The following BDH1 variants were observed in gnomAD, a reference collection of about 807,000 sequenced individuals.
The protein encoded by BDH1 is D-beta-hydroxybutyrate dehydrogenase, mitochondrial.
Under a neutral mutation model 33.1 loss-of-function variants are expected in BDH1, and 30 were observed. The ratio of observed to expected loss-of-function variants is 0.91; its 90% CI spans 0.68 to 1.23. The LOEUF (loss-of-function observed/expected upper bound fraction) is 1.23. Among genes scored for constraint, BDH1 ranks in the 50% most tolerant of loss-of-function variants. The pLI, the probability that BDH1 is intolerant of heterozygous loss-of-function variation, is 0.00. For synonymous variants in BDH1, 190 were observed against 183.6 expected (o/e 1.03, Z -0.28); for missense variants, 443 against 464.4 (o/e 0.95, Z 0.42).
At position 197,512,313 on chromosome 3, in the gene BDH1, C is replaced by T. The variant is rs749172620; in HGVS notation, c.614G>A (p.Arg205His). The change falls in exon 8 of 8, where the codon CGC becomes CAC. Residue 205 changes from arginine (R) to histidine (H), a missense_variant. By Grantham distance (29) the Arg-to-His change is conservative (BLOSUM62 0). Coordinates refer to ENST00000392379, the MANE Select transcript of BDH1 (RefSeq NM_203314.3). ...GAACTTGGTGATGCAGTACGGGGAG[C>T]GGGCCGGGTTGGCCATGCGGCCCAG... ...SMLGRMANPA[R>H]SPYCITKFGV... The T allele has an allele frequency of 1.1e-5, 18 of 1,611,290 alleles. No homozygotes were observed. The highest frequency in any genetic ancestry group is 5.5e-5 in the South Asian group (5 of 91,074).
chr3:197,572,874 TAAAAAAC>T (rs965823033), intron 1 of BDH1, among the ~76,000 whole-genome samples: 1 of 152,190 alleles, frequency 6.6e-6, no homozygotes, highest in African/African-American at 2.4e-5. Flanking sequence ...CAAGCTGTTT[TAAAAAAC>T]AAGATACAAA....
chr3:197,568,096 G>T (rs542723367), intron 1 of BDH1, among the ~76,000 whole-genome samples: 2 of 152,272 alleles, frequency 1.3e-5, no homozygotes, highest in African/African-American at 4.8e-5. Context: ...AGTATTAAGT[G>T]CTCAGTGTTA....
In BDH1 at chr3:197,516,993, G is replaced by A. The variant is rs1333710088; in HGVS notation, c.410-2577C>T. Among the ~76,000 whole-genome samples the A allele has an allele frequency of 2.6e-5, 4 of 152,104 alleles. No individual in the cohort carries two copies. Among genetic ancestry groups the A allele is most frequent in the Non-Finnish European group, 4.4e-5 (3 of 68,016 alleles). ...CCCAGCTAACAGGCAGGGAGGGTGGGATTTGGACCCAGATCTCTCTGAGGA... is the reference window on the plus strand; with the variant it reads ...CCCAGCTAACAGGCAGGGAGGGTGGAATTTGGACCCAGATCTCTCTGAGGA... On this transcript the variant is annotated intron_variant, in intron 6 of 7. Coordinates refer to ENST00000392379, the MANE Select transcript of BDH1 (RefSeq NM_203314.3). The surrounding 1 kb of genome is among the most constrained non-coding windows in gnomAD (Gnocchi z 4.2).
chr3:197,531,387 A>C (rs886884643), intron 5 of BDH1, among the ~76,000 whole-genome samples: 2 of 148,714 alleles, frequency 1.3e-5, no homozygotes, highest in Non-Finnish European at 3.0e-5. Context: ...ACAAAGTAAG[A>C]CTCTGTCTCA....
intron 1 of BDH1, among the ~76,000 whole-genome samples, chr3:197,567,692 G>C (rs1369197410): frequency 6.6e-6 from 1 of 152,182 alleles, no homozygotes; most frequent in Non-Finnish European, 1.5e-5. Context: ...AATTAACTGA[G>C]AGACCTGTCT....
rs543203028 is a variant in BDH1, at chr3:197,516,363, C to T, written c.410-1947G>A. ...CTAAAAATAAAACAATGACATTTGACGCTACTATCCAAAAAAGTTTAATGA... is the reference window on the plus strand; with the variant it reads ...CTAAAAATAAAACAATGACATTTGATGCTACTATCCAAAAAAGTTTAATGA... On this transcript the variant is annotated intron_variant, in intron 6 of 7. Transcript: ENST00000392379. This position sits in a 1 kb window ranked among gnomAD's most constrained non-coding sequence, Gnocchi z 4.2. Among the ~76,000 whole-genome samples the T allele has an allele frequency of 1.3e-5, 2 of 152,236 alleles. No individual in the cohort carries two copies. The highest frequency in any genetic ancestry group is 2.4e-5 in the African/African-American group (1 of 41,538).
intron 3 of BDH1, chr3:197,534,129 G>C (rs1417501367): frequency 6.6e-6 from 1 of 152,244 alleles, no homozygotes; most frequent in Non-Finnish European, 1.5e-5. Context: ...TTGCAAAACT[G>C]TATTACCATA....
Position 197,567,612 on chromosome 3 carries a change from C to A in BDH1, c.-44+5569G>T, listed in dbSNP as rs2116293. On this transcript the variant is annotated intron_variant, in intron 1 of 6. Coordinates refer to the BDH1 transcript ENST00000358186. ...AGCTGTGCTCTGACCACCTTGGGCA[C>A]ATGTCGTCAGGACCGCTTGAGGCAG... 8.1e-3 allele frequency among the ~76,000 whole-genome samples: 1,227 copies of A among 152,164 alleles called. 5 individuals carry two copies. The highest frequency in any genetic ancestry group is 0.017 in the Middle Eastern group (5 of 294).
chr3:197,546,596 AC>A, intron 2 of BDH1, 110 bp from the exon 3 acceptor site: 2 of 671,442 alleles, frequency 3.0e-6, no homozygotes, highest in Non-Finnish European at 5.1e-6. Context: ...CATCTGTTCC[AC>A]CCAGCTCCAG....
chr3:197,549,575 C>A (rs539342844), intron 2 of BDH1, among the ~76,000 whole-genome samples: 1 of 152,340 alleles, frequency 6.6e-6, no homozygotes, highest in Admixed American at 6.5e-5. Context: ...TCAGGTGTTT[C>A]TGGACATGAA....
chr3:197,533,567 A>C lies in BDH1; in HGVS notation c.84-6T>G, dbSNP rs757946403. The stretch of plus-strand genomic sequence containing the variant: ...AACCAAGCAATAGTGGGCGTCTGCA[A>C]GAGAAAAGGAAGCCGTGAGTACAAG... On this transcript the variant is annotated splice_polypyrimidine_tract_variant and splice_region_variant and intron_variant, in intron 3 of 7. Coordinates refer to ENST00000392379, the MANE Select transcript of BDH1 (RefSeq NM_203314.3). The C allele has an allele frequency of 6.2e-7, 1 of 1,614,158 alleles. No individual in the cohort carries two copies. The highest frequency in any genetic ancestry group is 1.7e-5 in the Admixed American group (1 of 60,030).
intron 4 of BDH1, among the ~76,000 whole-genome samples, chr3:197,532,813 C>T (rs535794193): frequency 3.9e-5 from 6 of 152,328 alleles, no homozygotes; most frequent in South Asian, 4.1e-4. Flanking sequence ...CTTTTTAAAA[C>T]GCTCAATGTA....
rs942401109 is a variant in BDH1 at position 197,543,234 on chromosome 3, A to G, written c.83+3127T>C. ...TGCAGCTCGGGAGAAATATGGCCTC[A>G]CGGCAGCATCTGTGAAAAAAATTTA... is the stretch of plus-strand genomic sequence containing the variant. On this transcript the variant is annotated intron_variant, in intron 3 of 7. Transcript: ENST00000392379. 4 of 959,448 alleles carry G rather than the reference A, an allele frequency of 4.2e-6. No homozygotes were observed. In the African/African-American group the frequency reaches 7.1e-5, roughly 17 times the overall value. The allele number at this position is 959,448 out of a possible 1,614,324, so 59.4% of individuals were successfully genotyped here.
rs1270684498 is a variant in BDH1 at position 197,561,207 on chromosome 3, G to A, written c.-44+11974C>T. ...CCTTTGACAGATCTACTGGTCCTTG[G>A]TAGCAGCATGAGCTAACCTTACGGC... On this transcript the variant is annotated intron_variant, in intron 1 of 6. Transcript: ENST00000358186. Among the ~76,000 whole-genome samples the A allele has an allele frequency of 2.0e-5, 3 of 152,090 alleles. No individual in the cohort carries two copies. The East Asian group carries it at 5.8e-4, about 29-fold the overall frequency.
chr3:197,531,416 A>ATAT (rs1369223772), intron 5 of BDH1, among the ~76,000 whole-genome samples: 3 of 121,032 alleles, frequency 2.5e-5, no homozygotes, highest in Admixed American at 1.6e-4. Context: ...AATTAAAAAA[A>ATAT]AAATATATAT....
chr3:197,546,392 G>A lies in BDH1; in HGVS notation c.52C>T (p.Leu18=), dbSNP rs1184356749. The A allele has an allele frequency of 2.5e-6, 4 of 1,614,156 alleles. No individual in the cohort carries two copies. The highest frequency in any genetic ancestry group is 3.4e-6 in the Non-Finnish European group (4 of 1,180,026). Residue 18 remains leucine (L), a synonymous_variant, in exon 3 of 8, where the codon CTA becomes TTA. Coordinates refer to ENST00000392379, the MANE Select transcript of BDH1 (RefSeq NM_203314.3). ...RPLSRLPGKT[L]SACDRENGAR... is the part of the protein sequence containing the mutation. ...CCATTTTCTCTATCACAGGCACTTA[G>A]GGTTTTTCCTGGGAGCCGTGACAGG...
chr3:197,562,097 G>A (rs1375586935), intron 1 of BDH1, among the ~76,000 whole-genome samples: 8 of 152,132 alleles, frequency 5.3e-5, no homozygotes, highest in Non-Finnish European at 1.0e-4. Flanking sequence ...TTGGCTTTGG[G>A]GGAACCAGAG....
rs889455974 is a variant in BDH1, at chr3:197,523,763, G to A, written c.268-982C>T. Among the ~76,000 whole-genome samples, 3 of 152,142 alleles carry A rather than the reference G, an allele frequency of 2.0e-5. No individual in the cohort carries two copies. The highest frequency in any genetic ancestry group is 2.9e-5 in the Non-Finnish European group (2 of 68,028). On this transcript the variant is annotated intron_variant, in intron 5 of 7. Coordinates refer to ENST00000392379, the MANE Select transcript of BDH1 (RefSeq NM_203314.3). The surrounding 1 kb of genome is among the most constrained non-coding windows in gnomAD (Gnocchi z 4.5). ...GAGGTGGGAGGGGCACAGGAGGGAC[G>A]GGCAGGGGAGACCTTCCAAAGGCAG...
At chr3:197,527,289 A>G (rs916467655) in intron 5 of BDH1, among the ~76,000 whole-genome samples, 1 of 152,210 alleles carries the variant, frequency 6.6e-6, no homozygotes, top group Non-Finnish European at 1.5e-5. Context: ...TGTTACGAGC[A>G]AGGGTGGTTT....
Sources: allele counts gnomAD v4.1 joint callset (sites outside exome capture counted in the v4.1 genomes callset), GRCh38; gene constraint gnomAD v4.1.1; non-coding constraint Gnocchi (gnomAD v3.1); transcripts MANE v1.5; gene names NCBI Gene and HGNC (gene_info 2026-07-23, HGNC 2026-07-21).